PDXDC1: variants seen among roughly 807,000 people sequenced by gnomAD.
PDXDC1 encodes pyridoxal dependent decarboxylase domain containing 1.
In PDXDC1, 42 loss-of-function variants were observed where a neutral mutation model predicts 100.1. The ratio of observed to expected loss-of-function variants is 0.42; its 90% CI spans 0.33 to 0.54. The LOEUF (loss-of-function observed/expected upper bound fraction) is 0.54, where lower values mean the gene tolerates loss of function less well. PDXDC1 is among the 20% of genes least tolerant of loss of function. The pLI, the probability that PDXDC1 is intolerant of heterozygous loss-of-function variation, is 0.10. For synonymous variants in PDXDC1, 260 were observed against 371.7 expected, an observed-to-expected ratio of 0.70 and a Z score of 3.46; for missense variants, 636 against 979.2, an observed-to-expected ratio of 0.65 and a Z score of 4.68.
At chr16:15,095,307 C>T (rs2046315777) in intron 16 of PDXDC1, among the ~76,000 whole-genome samples, 1 of 152,082 alleles carries the variant, frequency 6.6e-6, no homozygotes, top group Non-Finnish European at 1.5e-5. Context: ...AAGGTTGCAA[C>T]TTTGGAAACT....
chr16:15,141,397 C>T (rs2048473172), downstream of PDXDC1, among the ~76,000 whole-genome samples: 1 of 152,254 alleles, frequency 6.6e-6, no homozygotes, highest in East Asian at 1.9e-4. Flanking sequence ...GCCGAGCCCT[C>T]ACCTGGGCTG....
intron 16 of PDXDC1, among the ~76,000 whole-genome samples, chr16:15,062,854 A>T (rs2044769045): frequency 6.6e-6 from 1 of 152,242 alleles, no homozygotes; most frequent in African/African-American, 2.4e-5. Flanking sequence ...AATGAGTAAG[A>T]CACGGTTTTG....
chr16:15,135,777 C>G lies in PDXDC1; in HGVS notation c.1400-3102C>G, dbSNP rs1246433523. 1.4e-5 allele frequency: 23 copies of G among 1,594,782 alleles called. No homozygotes were observed. The Admixed American group carries it at 3.5e-4, about 24-fold the overall frequency. ...GTGTCTGACCACACGCGGTATGAGCCACCCTCAGTGATGGGCACCAGGCGC... is the reference window on the plus strand; with the variant it reads ...GTGTCTGACCACACGCGGTATGAGCGACCCTCAGTGATGGGCACCAGGCGC... On this transcript the variant is annotated intron_variant, in intron 16 of 16. Transcript: ENST00000535621.
chr16:15,035,655 T>G (rs1250337268), intron 22 of PDXDC1, 102 bp downstream of exon 22: 2 of 651,238 alleles, frequency 3.1e-6, no homozygotes, highest in Non-Finnish European at 5.2e-6. Flanking sequence ...TCTATTTCTC[T>G]TAAGACCAAC....
chr16:15,056,357 G>A (rs1411131795), intron 16 of PDXDC1, among the ~76,000 whole-genome samples: 2 of 152,252 alleles, frequency 1.3e-5, no homozygotes, highest in Non-Finnish European at 2.9e-5. Flanking sequence ...TTCCTGGGGC[G>A]GGTTCTGGCT....
intron 16 of PDXDC1, among the ~76,000 whole-genome samples, chr16:15,100,963 G>C (rs528708493): frequency 1.3e-5 from 2 of 152,166 alleles, no homozygotes; most frequent in East Asian, 3.9e-4. Flanking sequence ...CCTGCAACAG[G>C]GACGCTATCT....
intron 16 of PDXDC1, chr16:15,083,778 G>A (rs537511086): frequency 9.1e-5 from 53 of 583,286 alleles, no homozygotes; most frequent in Non-Finnish European, 1.5e-4. Flanking sequence ...GTGCAGTGGC[G>A]CAATCTCAGC....
intron 5 of PDXDC1, among the ~76,000 whole-genome samples, chr16:15,005,456 T>A (rs1382945499): frequency 6.6e-6 from 1 of 152,266 alleles, no homozygotes; most frequent in Non-Finnish European, 1.5e-5. Flanking sequence ...TGGCATTGGG[T>A]TTATGCTGTT....
chr16:15,094,161 C>T lies in PDXDC1; in HGVS notation c.1400-44718C>T, dbSNP rs141593500. On this transcript the variant is annotated intron_variant, in intron 16 of 16. Transcript: ENST00000535621. ...GAATCTTACCCAGTCCTCGACGCGC[C>T]CAGCTTCTTAACTGCAGAGGACGAA... 8.0e-4 allele frequency: 1,278 copies of T among 1,601,156 alleles called. 20 individuals carry two copies. The South Asian group carries it at 0.011, about 13-fold the overall frequency.
At chr16:15,064,685 G>A (rs1053071436) in intron 16 of PDXDC1, among the ~76,000 whole-genome samples, 8 of 152,178 alleles carry the variant, frequency 5.3e-5, no homozygotes, top group Admixed American at 2.0e-4. Context: ...GGCTCCTAGT[G>A]AGGCAAAGAT....
At chr16:15,073,689 G>A (rs1176517615) in intron 16 of PDXDC1, among the ~76,000 whole-genome samples, 1 of 152,118 alleles carries the variant, frequency 6.6e-6, no homozygotes, top group Non-Finnish European at 1.5e-5. Flanking sequence ...GTAAACAGCT[G>A]AATATATAGG....
chr16:15,076,735 C>A, intron 16 of PDXDC1: 3 of 942,508 alleles, frequency 3.2e-6, no homozygotes, highest in South Asian at 1.4e-5. Context: ...ATCTGATATA[C>A]GCATGTTCAA....
At chr16:15,077,105 G>A (rs897724991) in intron 16 of PDXDC1, among the ~76,000 whole-genome samples, 2 of 151,432 alleles carry the variant, frequency 1.3e-5, no homozygotes, top group Non-Finnish European at 2.9e-5. Context: ...TCAGCCTCCC[G>A]AGTAGCTGGG....
intron 16 of PDXDC1, chr16:15,094,343 C>G: frequency 9.6e-7 from 1 of 1,039,474 alleles, no homozygotes; most frequent in South Asian, 1.4e-5. Flanking sequence ...AGCCAATCAG[C>G]GGCCCCGCGT....
chr16:15,055,401 G>A (rs1567777356), intron 16 of PDXDC1, among the ~76,000 whole-genome samples: 1 of 152,196 alleles, frequency 6.6e-6, no homozygotes, highest in African/African-American at 2.4e-5. Flanking sequence ...GAGAGAGGAG[G>A]AAGGACTGGG....
intron 16 of PDXDC1, among the ~76,000 whole-genome samples, chr16:15,067,283 T>G (rs1888530944): frequency 2.0e-5 from 3 of 150,084 alleles, no homozygotes; most frequent in Admixed American, 6.7e-5. Context: ...CAATTCGCTT[T>G]CTCCATAAAG....
chr16:15,041,603 G>C (rs1443717457), downstream of PDXDC1: 3 of 1,591,630 alleles, frequency 1.9e-6, no homozygotes, highest in Non-Finnish European at 2.6e-6. Flanking sequence ...CTTTGCTTTG[G>C]GGCAAATGGC....
intron 1 of PDXDC1, among the ~76,000 whole-genome samples, chr16:14,983,119 A>C (rs1968379469): frequency 6.6e-6 from 1 of 152,256 alleles, no homozygotes; most frequent in African/African-American, 2.4e-5. Flanking sequence ...CCTCTGAAAT[A>C]AGTCCTAAAA....
chr16:15,130,768 C>G lies in PDXDC1; in HGVS notation c.1400-8111C>G, dbSNP rs571480751. The G allele has an allele frequency of 8.9e-6, 11 of 1,235,754 alleles. No homozygotes were observed. The African/African-American group carries it at 1.5e-4, about 17-fold the overall frequency. 76.5% of individuals were successfully genotyped at this position (1,235,754 alleles called of 1,614,324 possible). On this transcript the variant is annotated intron_variant, in intron 16 of 16. Transcript: ENST00000535621. ...TGCAGGTAGACTGCCAGGTAGGGCT[C>G]GGGTTCCTCAGACAGGTAGCGGCCT...
Sources: gnomAD v4.1 joint callset for allele counts (sites outside exome capture counted in the v4.1 genomes callset) on GRCh38, gnomAD v4.1.1 for gene constraint, MANE v1.5 for transcripts, NCBI Gene and HGNC (gene_info 2026-07-23, HGNC 2026-07-21) for gene names.